The following ATP2C2 variants were observed in gnomAD, a reference collection of about 807,000 sequenced individuals.
ATP2C2 encodes the protein ATPase secretory pathway Ca2+ transporting 2, also known as calcium-transporting ATPase type 2C member 2.
A neutral mutation model predicts 110.8 loss-of-function variants in ATP2C2; 171 were observed. The observed-to-expected ratio is 1.54, with a 90% CI of 1.36 to 1.75. ATP2C2 has a LOEUF of 1.75. ATP2C2 is among the 40% of genes most tolerant of loss of function. The pLI is 0.00. For missense variants in ATP2C2, 1,963 were observed against 1,235.0 expected (o/e 1.59, Z -8.84); for synonymous variants, 804 against 508.4 (o/e 1.58, Z -7.82).
At chr16:84,405,576 T>A (rs998759614) in intron 3 of ATP2C2, among the ~76,000 whole-genome samples, 16 of 152,152 alleles carry the variant, frequency 1.1e-4, no homozygotes, top group Non-Finnish European at 1.9e-4. Context: ...TTGAAAGATT[T>A]CCCCAGAGTT....
chr16:84,452,207 C>A, intron 18 of ATP2C2, 116 bp downstream of exon 18: 1 of 1,282,640 alleles, frequency 7.8e-7, no homozygotes. Context: ...ACGCCTAGCC[C>A]TACAGGCTTA....
At chr16:84,443,131 G>C (rs1909422911) in intron 15 of ATP2C2, among the ~76,000 whole-genome samples, 1 of 152,150 alleles carries the variant, frequency 6.6e-6, no homozygotes, top group Non-Finnish European at 1.5e-5. Flanking sequence ...TCTGTGCTCA[G>C]AGGACAAGTT....
chr16:84,414,827 C>A (rs1350537272), intron 6 of ATP2C2, among the ~76,000 whole-genome samples: 2 of 151,978 alleles, frequency 1.3e-5, no homozygotes, highest in Non-Finnish European at 2.9e-5. Flanking sequence ...GAGTTTGGTA[C>A]CAGGGTCATG....
chr16:84,448,538 G>A lies in ATP2C2; in HGVS notation c.1509G>A (p.Gln503=). 2 of 1,610,916 alleles carry A rather than the reference G, an allele frequency of 1.2e-6. No individual in the cohort carries two copies. Among genetic ancestry groups the A allele is most frequent in the South Asian group, 1.1e-5 (1 of 90,736 alleles). ...AVKCSLKTED[Q]EDIYFMKGAL... ...TTCCCTTTGTCTTTTCTAAGGATCA[G>A]GAAGACATTTACTTCATGAAAGGGG... Residue 503 remains glutamine (Q), a synonymous_variant, in exon 17 of 27, where the codon CAG becomes CAA. Coordinates refer to ENST00000262429, the MANE Select transcript of ATP2C2 (RefSeq NM_014861.4).
chr16:84,390,196 C>G (rs780461243), intron 1 of ATP2C2, among the ~76,000 whole-genome samples: 7 of 152,238 alleles, frequency 4.6e-5, no homozygotes, highest in Non-Finnish European at 8.8e-5. Flanking sequence ...TAACGCAGTC[C>G]AAGTTCGCAA....
chr16:84,460,887 C>T (rs1404453667), intron 24 of ATP2C2, 86 bp downstream of exon 24: 3 of 1,485,280 alleles, frequency 2.0e-6, no homozygotes, highest in African/African-American at 2.8e-5. Flanking sequence ...CCTGCCACAG[C>T]TCACATCTGG....
intron 3 of ATP2C2, chr16:84,406,694 A>C (rs189558179): frequency 1.0e-6 from 1 of 969,042 alleles, no homozygotes; most frequent in Non-Finnish European, 1.2e-6. Flanking sequence ...CTAAAACTGC[A>C]GGGCTGAGAA....
intron 1 of ATP2C2, among the ~76,000 whole-genome samples, chr16:84,377,454 G>A (rs954226620): frequency 1.3e-5 from 2 of 152,048 alleles, no homozygotes; most frequent in African/African-American, 4.8e-5. Context: ...AGTTCTGGAG[G>A]CCAGAACTCC....
intron 11 of ATP2C2, among the ~76,000 whole-genome samples, chr16:84,434,587 G>A (rs1415925575): frequency 6.6e-6 from 1 of 150,886 alleles, no homozygotes; most frequent in African/African-American, 2.4e-5. Context: ...ATGTGATCTC[G>A]GCTCACTGCA....
chr16:84,398,392 T>G, intron 1 of ATP2C2, 107 bp from the exon 2 acceptor site: 1 of 557,404 alleles, frequency 1.8e-6, no homozygotes. Flanking sequence ...GGTGACAGAG[T>G]GAGACTCCAT....
rs200117160 is a variant in ATP2C2, at chr16:84,410,544, C to T, written c.418-24C>T. On this transcript the variant is annotated intron_variant, in intron 4 of 26. Coordinates refer to ENST00000262429, the MANE Select transcript of ATP2C2 (RefSeq NM_014861.4). ...CCTCCCACTGAGCCTCTGGTACTGA[C>T]ACCCTCCTCCGTTTGCTGTCTAGGC... is the stretch of plus-strand genomic sequence containing the variant. 7 of 1,613,170 alleles carry T rather than the reference C, an allele frequency of 4.3e-6. No individual in the cohort carries two copies. In the South Asian group the frequency reaches 4.4e-5, roughly 10 times the overall value.
At chr16:84,461,221 A>T (rs541620) in intron 24 of ATP2C2, 8,438 of 254,432 alleles carry the variant, frequency 0.033, 179 homozygotes, top group Middle Eastern at 0.072. Flanking sequence ...AGGGAGCTCT[A>T]TGCCAGGACG....
intron 17 of ATP2C2, among the ~76,000 whole-genome samples, chr16:84,450,140 CTG>C (rs1361799775): frequency 1.3e-5 from 2 of 152,258 alleles, no homozygotes; most frequent in East Asian, 3.8e-4. Flanking sequence ...AGACCTTTTC[CTG>C]TCTTCCCCCA....
chr16:84,419,796 C>A (rs1907167561), intron 7 of ATP2C2, among the ~76,000 whole-genome samples: 1 of 152,138 alleles, frequency 6.6e-6, no homozygotes, highest in Non-Finnish European at 1.5e-5. Flanking sequence ...GAGTTTATAG[C>A]CCAGAGTGAC....
chr16:84,452,852 C>T (rs1045608147), intron 18 of ATP2C2, among the ~76,000 whole-genome samples: 2 of 152,102 alleles, frequency 1.3e-5, no homozygotes, highest in African/African-American at 2.4e-5. Context: ...AAAAGGTTCA[C>T]GGGCTTTGGA....
chr16:84,410,687 G>A lies in ATP2C2; in HGVS notation c.454-17G>A. 6.2e-7 allele frequency: 1 copy of A among 1,614,128 alleles called. No individual in the cohort carries two copies. Among genetic ancestry groups the A allele is most frequent in the Non-Finnish European group, 8.5e-7 (1 of 1,179,986 alleles). Reference sequence around the variant, plus strand: ...GTCCCCACCTTTAAACAGCACATCTGATGTGCTTCCTGCCAGGAGTACAGG... The same window carrying A: ...GTCCCCACCTTTAAACAGCACATCTAATGTGCTTCCTGCCAGGAGTACAGG... On this transcript the variant is annotated splice_polypyrimidine_tract_variant and intron_variant, in intron 5 of 26. Transcript: ENST00000262429.
intron 11 of ATP2C2, among the ~76,000 whole-genome samples, chr16:84,430,666 T>A (rs1402304640): frequency 6.7e-6 from 1 of 148,346 alleles, no homozygotes; most frequent in Non-Finnish European, 1.5e-5. Context: ...AAGTCAGTTC[T>A]AGAATCTTCA....
intron 17 of ATP2C2, among the ~76,000 whole-genome samples, chr16:84,449,467 A>T (rs115439407): frequency 6.6e-6 from 1 of 152,326 alleles, no homozygotes; most frequent in Non-Finnish European, 1.5e-5. Flanking sequence ...GCTTACAGGT[A>T]AATACTGTGC....
intron 20 of ATP2C2, 77 bp from the exon 21 acceptor site, chr16:84,454,740 TG>T: frequency 7.1e-7 from 1 of 1,416,108 alleles, no homozygotes; most frequent in Non-Finnish European, 9.4e-7. Flanking sequence ...TGTCTGTGGC[TG>T]GCCACAGGGT....
Sources: allele counts gnomAD v4.1 joint callset (sites outside exome capture counted in the v4.1 genomes callset), GRCh38; gene constraint gnomAD v4.1.1; transcripts MANE v1.5; gene names NCBI Gene and HGNC (gene_info 2026-07-23, HGNC 2026-07-21).